MYO18B: variants seen among roughly 807,000 people sequenced by gnomAD.
The protein encoded by MYO18B is myosin XVIIIB.
In MYO18B, 204 loss-of-function variants were observed where a neutral mutation model predicts 273.0. The ratio of observed to expected loss-of-function variants is 0.75; its 90% confidence interval spans 0.67 to 0.84. The LOEUF (loss-of-function observed/expected upper bound fraction) is 0.84, where lower values mean the gene tolerates loss of function less well. Ranked by LOEUF, MYO18B falls within the 40% of genes least tolerant of loss-of-function variation. The pLI is 0.00. For missense variants in MYO18B, 3,212 were observed against 3,287.6 expected, an observed-to-expected ratio of 0.98 and a Z score of 0.56; for synonymous variants, 1,330 against 1,305.7, an observed-to-expected ratio of 1.02 and a Z score of -0.40.
At chr22:25,882,181 C>G (rs915557917) in intron 25 of MYO18B, among the ~76,000 whole-genome samples, 2 of 150,432 alleles carry the variant, frequency 1.3e-5, no homozygotes, top group Non-Finnish European at 2.9e-5. Flanking sequence ...CCCAGCTAGA[C>G]TGAAATCCCT....
chr22:25,907,247 A>AC (rs2092062452), intron 31 of MYO18B, among the ~76,000 whole-genome samples: 1 of 152,226 alleles, frequency 6.6e-6, no homozygotes, highest in East Asian at 1.9e-4. Context: ...CTTGAACTAG[A>AC]CCTAGAACTC....
chr22:25,985,933 A>G lies in MYO18B; in HGVS notation c.6157-6430A>G, dbSNP rs138203144. 5.4e-3 allele frequency among the ~76,000 whole-genome samples: 820 copies of G among 152,266 alleles called. 5 individuals are homozygous for G. Among genetic ancestry groups the G allele is most frequent in the African/African-American group, 0.018 (760 of 41,564 alleles). On this transcript the variant is annotated intron_variant, in intron 39 of 43. Coordinates refer to ENST00000335473, the MANE Select transcript of MYO18B (RefSeq NM_032608.7). ...AGGCATGAGCCGCCCCGCCCAGCCT[A>G]CAGGGCTTTTATTCCCCCACTTCAC...
At chr22:26,035,293 G>A (rs1382371623), downstream of MYO18B, among the ~76,000 whole-genome samples, 15 of 152,236 alleles carry the variant, frequency 9.9e-5, no homozygotes, top group Admixed American at 9.8e-4. Context: ...AACTGGGCTT[G>A]TCCAAACTGC....
At position 25,826,424 on chromosome 22, in the gene MYO18B, G is replaced by T; in HGVS notation, c.2711G>T (p.Gly904Val). The part of the protein sequence containing the change: ...EETSSGLKMT[G>V]VDCVEGMASG... Reference sequence around the variant, plus strand: ...TCTTTCCCAGGGCTCAAGATGACAGGAGTGGACTGTGTGGAGGGGATGGCC... The same window carrying T: ...TCTTTCCCAGGGCTCAAGATGACAGTAGTGGACTGTGTGGAGGGGATGGCC... The change falls in exon 14 of 44, where the codon GGA (glycine) becomes GTA (valine). Residue 904 changes from glycine to valine, a missense_variant. Physicochemically the swap from Gly to Val is moderately radical, Grantham distance 109. Transcript: ENST00000335473. 2.5e-6 allele frequency: 4 copies of T among 1,613,462 alleles called. No homozygotes were observed. The highest frequency in any genetic ancestry group is 3.4e-6 in the Non-Finnish European group (4 of 1,179,602).
At chr22:25,924,664 C>G (rs952911219) in intron 34 of MYO18B, among the ~76,000 whole-genome samples, 3 of 152,032 alleles carry the variant, frequency 2.0e-5, no homozygotes, top group African/African-American at 4.8e-5. Flanking sequence ...GGATTTTATC[C>G]CGGGGGTGGT....
chr22:26,023,742 A>G (rs1326689595), intron 42 of MYO18B, among the ~76,000 whole-genome samples: 1 of 152,198 alleles, frequency 6.6e-6, no homozygotes, highest in Non-Finnish European at 1.5e-5. Flanking sequence ...CAGGGCCAGG[A>G]CAGGATGGAA....
At chr22:25,804,249 C>T (rs1482552913) in intron 12 of MYO18B, among the ~76,000 whole-genome samples, 2 of 152,130 alleles carry the variant, frequency 1.3e-5, no homozygotes, top group Non-Finnish European at 1.5e-5. Flanking sequence ...TCACACAAAA[C>T]CCAGCCCACA....
chr22:25,779,551 T>C (rs2087050440), intron 8 of MYO18B, among the ~76,000 whole-genome samples: 1 of 152,228 alleles, frequency 6.6e-6, no homozygotes, highest in Non-Finnish European at 1.5e-5. Flanking sequence ...GTAGTTGTGC[T>C]GTGAATCGCA....
chr22:25,999,748 C>G (rs1160524424), intron 40 of MYO18B, among the ~76,000 whole-genome samples: 1 of 151,712 alleles, frequency 6.6e-6, no homozygotes, highest in African/African-American at 2.4e-5. Context: ...CTCTGCCTCC[C>G]AGGTTCAAGC....
At chr22:26,015,531 G>A (rs540326697) in intron 42 of MYO18B, among the ~76,000 whole-genome samples, 126 of 152,256 alleles carry the variant, frequency 8.3e-4, no homozygotes, top group Non-Finnish European at 1.2e-3. Context: ...GCCATTATCC[G>A]TAGCAAACTA....
intron 25 of MYO18B, among the ~76,000 whole-genome samples, chr22:25,890,205 C>G (rs190277646): frequency 1.3e-5 from 2 of 152,268 alleles, no homozygotes; most frequent in Non-Finnish European, 2.9e-5. Context: ...TTTGGGAGCA[C>G]ACACATGTGA....
intron 12 of MYO18B, 26 bp from the exon 13 acceptor site, chr22:25,823,479 A>C: frequency 6.2e-7 from 1 of 1,609,006 alleles, no homozygotes; most frequent in Non-Finnish European, 8.5e-7. Flanking sequence ...CCTCACTGCC[A>C]CGCCTCTGTT....
intron 31 of MYO18B, among the ~76,000 whole-genome samples, chr22:25,905,694 C>T (rs1215512417): frequency 6.6e-6 from 1 of 152,146 alleles, no homozygotes; most frequent in Non-Finnish European, 1.5e-5. Context: ...CAGCTTGTTG[C>T]CTGTATGACC....
intron 33 of MYO18B, among the ~76,000 whole-genome samples, chr22:25,914,760 G>A (rs1473774969): frequency 1.5e-5 from 2 of 134,068 alleles, no homozygotes; most frequent in African/African-American, 2.8e-5. Flanking sequence ...GCAGCGGCGC[G>A]ATCTCAGCTC....
At chr22:25,866,489 G>A (rs1025577897) in intron 21 of MYO18B, among the ~76,000 whole-genome samples, 5 of 152,088 alleles carry the variant, frequency 3.3e-5, no homozygotes, top group Non-Finnish European at 5.9e-5. Context: ...GAATCTCTCT[G>A]GTTTGGGTGT....
Position 25,927,232 on chromosome 22 carries a change from C to T in MYO18B, c.5517+5823C>T, listed in dbSNP as rs184786988. ...AAACTCTGACTGCCGGTGAGCCGGG[C>T]GGAACAGAGCCATATTTCTCTTCTT... On this transcript the variant is annotated intron_variant, in intron 34 of 43. Transcript: ENST00000335473. 5.6e-3 allele frequency among the ~76,000 whole-genome samples: 850 copies of T among 152,272 alleles called. 8 individuals carry two copies. Among genetic ancestry groups the T allele is most frequent in the Non-Finnish European group, 8.5e-3 (579 of 68,028 alleles).
In MYO18B at chr22:25,968,493, A is replaced by G. The variant is rs573437347; in HGVS notation, c.6156+13129A>G. Among the ~76,000 whole-genome samples, 8 of 152,078 alleles carry G rather than the reference A, an allele frequency of 5.3e-5. No individual in the cohort carries two copies. In the East Asian group the frequency reaches 1.6e-3, roughly 30 times the overall value. ...CTCTGCCTTGCCACAGGCCCCTTCT[A>G]GGTTTTATCTTCTCTGCTTGTGTTC... On this transcript the variant is annotated intron_variant, in intron 39 of 43. Coordinates refer to ENST00000335473, the MANE Select transcript of MYO18B (RefSeq NM_032608.7).
intron 22 of MYO18B, 92 bp from the exon 23 acceptor site, chr22:25,874,194 G>T: frequency 6.7e-7 from 1 of 1,485,458 alleles, no homozygotes; most frequent in Non-Finnish European, 9.3e-7. Flanking sequence ...GCAGGTGGGT[G>T]CAAGAGAAGT....
chr22:25,916,556 G>C (rs889728851), intron 33 of MYO18B, among the ~76,000 whole-genome samples: 5 of 151,994 alleles, frequency 3.3e-5, no homozygotes, highest in Non-Finnish European at 5.9e-5. Context: ...CTTTTAACCT[G>C]TAAGTTATCT....
Sources: gnomAD v4.1 joint callset for allele counts (sites outside exome capture counted in the v4.1 genomes callset) on GRCh38, gnomAD v4.1.1 for gene constraint, MANE v1.5 for transcripts, NCBI Gene and HGNC (gene_info 2026-07-23, HGNC 2026-07-21) for gene names.